The following NFATC1 variants were observed in gnomAD, a reference collection of about 807,000 sequenced individuals.
NFATC1 encodes nuclear factor of activated T-cells, cytoplasmic 1.
Under a neutral mutation model 76.0 loss-of-function variants are expected in NFATC1, and 22 were observed. The ratio of observed to expected loss-of-function variants is 0.29; its 90% CI spans 0.21 to 0.41. The LOEUF is 0.41. Ranked by LOEUF, NFATC1 falls within the 10% of genes least tolerant of loss-of-function variation. NFATC1 has a pLI of 1.00. For synonymous variants in NFATC1, 704 were observed against 613.1 expected (o/e 1.15, Z -2.19); for missense variants, 1,357 against 1,337.7 (o/e 1.01, Z -0.23).
At chr18:79,516,563 C>T (rs1303357984) in intron 9 of NFATC1, among the ~76,000 whole-genome samples, 4 of 152,160 alleles carry the variant, frequency 2.6e-5, no homozygotes, top group Non-Finnish European at 5.9e-5. Context: ...GGGCGCCCAG[C>T]AGTGTCGGAC....
rs182513984 is a variant in NFATC1 at position 79,461,126 on chromosome 18, C to T, written c.1904-185C>T. On this transcript the variant is annotated intron_variant, in intron 6 of 9. Transcript: ENST00000427363. ...GGCAACTTTGGTGTCGAGCTCGGGGCCCTGCCAGGGCACGTGGCTCCTGAG... is the reference window on the plus strand; with the variant it reads ...GGCAACTTTGGTGTCGAGCTCGGGGTCCTGCCAGGGCACGTGGCTCCTGAG... Among the ~76,000 whole-genome samples the T allele has an allele frequency of 2.3e-3, 341 of 149,922 alleles. 8 individuals carry two copies. The highest frequency in any genetic ancestry group is 0.021 in the Admixed American group (322 of 15,134).
rs112491026 is a variant in NFATC1, at chr18:79,524,629, T to G, written c.2783-2899T>G. Among the ~76,000 whole-genome samples, 1,444 of 152,192 alleles carry G rather than the reference T, an allele frequency of 9.5e-3. 19 individuals carry two copies. Among genetic ancestry groups the G allele is most frequent in the African/African-American group, 0.03 (1,253 of 41,526 alleles). On this transcript the variant is annotated intron_variant, in intron 9 of 9. Coordinates refer to ENST00000427363, the MANE Select transcript of NFATC1 (RefSeq NM_001278669.2). This position sits in a 1 kb window ranked among gnomAD's most constrained non-coding sequence, Gnocchi z 7.2. ...CAGGCTGCCGCTGGCTCCTTAGGCC[T>G]CGACAGCTCTCTTGAGGTCGGCCCT... is the stretch of plus-strand genomic sequence containing the variant.
chr18:79,500,892 T>C (rs1040179328), intron 9 of NFATC1, among the ~76,000 whole-genome samples: 3 of 152,192 alleles, frequency 2.0e-5, no homozygotes, highest in African/African-American at 7.2e-5. Context: ...CCAGAGAGCT[T>C]TACTGGTTAA....
chr18:79,516,962 C>A (rs2090400748), intron 9 of NFATC1, among the ~76,000 whole-genome samples: 1 of 152,186 alleles, frequency 6.6e-6, no homozygotes, highest in South Asian at 2.1e-4. Context: ...TTCAGCAATT[C>A]AATGAAACCA....
intron 2 of NFATC1, among the ~76,000 whole-genome samples, chr18:79,414,159 G>A (rs112861988): frequency 6.6e-6 from 1 of 152,166 alleles, no homozygotes; most frequent in African/African-American, 2.4e-5. Context: ...TTACCAGCGA[G>A]GTGGAGAGGC....
At chr18:79,483,576 G>A (rs1199482760) in intron 8 of NFATC1, among the ~76,000 whole-genome samples, 1 of 128,954 alleles carries the variant, frequency 7.8e-6, no homozygotes, top group South Asian at 2.7e-4. Context: ...TCACTCCGGC[G>A]TGACCTGGTT....
chr18:79,526,013 C>G (rs62096932), intron 9 of NFATC1, among the ~76,000 whole-genome samples: 1 of 152,262 alleles, frequency 6.6e-6, no homozygotes, highest in African/African-American at 2.4e-5. Flanking sequence ...GGGCGGGAGG[C>G]CGCTGAGCAA....
intron 2 of NFATC1, among the ~76,000 whole-genome samples, chr18:79,424,523 ATC>A (rs2086214265): frequency 7.0e-6 from 1 of 142,792 alleles, no homozygotes; most frequent in African/African-American, 2.6e-5. Flanking sequence ...CTGTCTCTCC[ATC>A]TCTGTCTCCC....
rs1356197913 is a variant in NFATC1, at chr18:79,410,715, G to T, written c.440G>T (p.Ser147Ile). ...GTGGAGGTGGAAGACGTCCTCCCTA[G>T]CTCCAAACGGTCCCCCTCCACGGCC... ...HDVEVEDVLP[S>I]SKRSPSTATL... Residue 147 changes from serine to isoleucine, a missense_variant, in exon 2 of 10, where the codon AGC (serine) becomes ATC (isoleucine). Coordinates refer to ENST00000427363, the MANE Select transcript of NFATC1 (RefSeq NM_001278669.2). This position sits in a 1 kb window ranked among gnomAD's most constrained non-coding sequence, Gnocchi z 6.7. 1 of 1,612,980 alleles carries T rather than the reference G, an allele frequency of 6.2e-7. No homozygotes were observed. The highest frequency in any genetic ancestry group is 1.7e-5 in the Admixed American group (1 of 60,008).
chr18:79,511,916 CG>C (rs768849383), intron 9 of NFATC1, among the ~76,000 whole-genome samples: 2 of 152,144 alleles, frequency 1.3e-5, no homozygotes, highest in African/African-American at 2.4e-5. Context: ...GAGGGCGGCA[CG>C]GGCCTGGGGA....
chr18:79,445,193 T>C (rs1331956571), intron 3 of NFATC1, among the ~76,000 whole-genome samples: 1 of 152,254 alleles, frequency 6.6e-6, no homozygotes, highest in African/African-American at 2.4e-5. Flanking sequence ...TTCTTACAAG[T>C]ACCGTGTGCT....
Position 79,467,392 on chromosome 18 carries a change from G to A in NFATC1, c.1960-58G>A, listed in dbSNP as rs938122090. 11 of 1,431,420 alleles carry A rather than the reference G, an allele frequency of 7.7e-6. No homozygotes were observed. The African/African-American group carries it at 1.2e-4, about 15-fold the overall frequency. 88.7% of individuals were successfully genotyped at this position (1,431,420 alleles called of 1,614,324 possible). A position where few individuals can be genotyped will look rare whatever the true frequency, so the allele number is the denominator to read the frequency against. On this transcript the variant is annotated intron_variant, in intron 7 of 9. Coordinates refer to ENST00000427363, the MANE Select transcript of NFATC1 (RefSeq NM_001278669.2). ...GGGGTTGCCGTGTGGCCGCCGTGGC[G>A]CGGCAGCCATCGCCTGCCCGGTGCT...
intron 9 of NFATC1, among the ~76,000 whole-genome samples, chr18:79,518,717 C>T (rs1416699306): frequency 1.3e-5 from 2 of 152,224 alleles, no homozygotes; most frequent in Non-Finnish European, 2.9e-5. Context: ...ACCGCCCAGT[C>T]CTGTCTTCAA....
At chr18:79,520,266 C>T (rs367816281) in intron 9 of NFATC1, among the ~76,000 whole-genome samples, 11 of 151,606 alleles carry the variant, frequency 7.3e-5, no homozygotes, top group Admixed American at 1.3e-4. Context: ...GCAGCCCTCG[C>T]GTGGCGTTGC....
At chr18:79,472,822 G>A (rs558154153) in intron 8 of NFATC1, among the ~76,000 whole-genome samples, 45 of 152,356 alleles carry the variant, frequency 3.0e-4, no homozygotes, top group African/African-American at 9.1e-4. Flanking sequence ...CTGGCCTCGC[G>A]GCGCTCTGGG....
chr18:79,509,507 C>T (rs758113514), intron 9 of NFATC1, among the ~76,000 whole-genome samples: 6 of 152,250 alleles, frequency 3.9e-5, no homozygotes, highest in African/African-American at 7.2e-5. Flanking sequence ...TTTCCTCAGA[C>T]GCCCGCGCAG....
At chr18:79,523,008 C>G (rs1465295484) in intron 9 of NFATC1, among the ~76,000 whole-genome samples, 3 of 152,220 alleles carry the variant, frequency 2.0e-5, no homozygotes, top group Non-Finnish European at 4.4e-5. Flanking sequence ...CCTGCCCTGT[C>G]AGCTCTGGGG....
rs774544804 is a variant in NFATC1, at chr18:79,448,881, C to T, written c.1486C>T (p.Arg496Cys). The T allele has an allele frequency of 1.5e-5, 24 of 1,613,656 alleles. No homozygotes were observed. Among genetic ancestry groups the T allele is most frequent in the Non-Finnish European group, 2.0e-5 (24 of 1,180,034 alleles). The change falls in exon 4 of 10, where the codon CGC becomes TGC. Residue 496 changes from arginine to cysteine, a missense_variant. Arg to Cys is a radical substitution (Grantham distance 180). Around this residue, in one of 3 missense-constraint regions of NFATC1, gnomAD observed 242 missense variants for 329.2 expected, o/e 0.74. Transcript: ENST00000427363. ...CCCGCACGCCTTCTACCAGGTGCAC[C>T]GCATCACAGGGAAGACCGTGTCCAC... is the stretch of plus-strand genomic sequence containing the variant. ...LRPHAFYQVH[R>C]ITGKTVSTTS... is the part of the protein sequence containing the mutation.
chr18:79,511,575 T>TA (rs1311867124), intron 9 of NFATC1, among the ~76,000 whole-genome samples: 1 of 152,080 alleles, frequency 6.6e-6, no homozygotes. Flanking sequence ...GCCCAGGATG[T>TA]ACGTAGCCTG....
Sources: allele counts gnomAD v4.1 joint callset (sites outside exome capture counted in the v4.1 genomes callset), GRCh38; gene constraint gnomAD v4.1.1; regional missense constraint gnomAD v4.1.1; non-coding constraint Gnocchi (gnomAD v3.1); transcripts MANE v1.5; gene names NCBI Gene and HGNC (gene_info 2026-07-23, HGNC 2026-07-21).